Variants in ADAMTS18 observed in about 807,000 individuals in gnomAD.
The protein encoded by ADAMTS18 is A disintegrin and metalloproteinase with thrombospondin motifs 18.
Under a neutral mutation model 165.9 loss-of-function variants are expected in ADAMTS18, and 157 were observed. The observed-to-expected ratio is 0.95, with a 90% CI of 0.83 to 1.08. The LOEUF (loss-of-function observed/expected upper bound fraction) is 1.08. ADAMTS18 is among the 50% of genes least tolerant of loss of function. The pLI is 0.00. For missense variants in ADAMTS18, 2,040 were observed against 1,534.0 expected, an observed-to-expected ratio of 1.33 and a Z score of -5.51; for synonymous variants, 782 against 578.2, an observed-to-expected ratio of 1.35 and a Z score of -5.06.
chr16:77,292,624 G>C (rs981355887), intron 20 of ADAMTS18, among the ~76,000 whole-genome samples: 4 of 152,164 alleles, frequency 2.6e-5, no homozygotes, highest in Non-Finnish European at 5.9e-5. Flanking sequence ...CTTTCTCTGC[G>C]TGTGCTTTAT....
intron 11 of ADAMTS18, among the ~76,000 whole-genome samples, chr16:77,339,349 G>C (rs1215970719): frequency 6.6e-6 from 1 of 151,986 alleles, no homozygotes; most frequent in Non-Finnish European, 1.5e-5. Flanking sequence ...ACTATAGCCT[G>C]GTGTTTTAAA....
At chr16:77,394,732 C>T (rs936908829) in intron 3 of ADAMTS18, among the ~76,000 whole-genome samples, 2 of 152,140 alleles carry the variant, frequency 1.3e-5, no homozygotes, top group African/African-American at 4.8e-5. Flanking sequence ...GCAGGCAATT[C>T]TTATATTTTT....
At position 77,424,495 on chromosome 16, in the gene ADAMTS18, T is replaced by C. The variant is rs1487172286; in HGVS notation, c.495+6800A>G. Among the ~76,000 whole-genome samples, 5 of 148,354 alleles carry C rather than the reference T, an allele frequency of 3.4e-5. No individual in the cohort carries two copies. The South Asian group carries it at 1.1e-3, about 32-fold the overall frequency. ...AAAAAAAAAAAAAAAGCAAGCAACA[T>C]AGGCAGGAAGGACTGGCCTTTCAGC... On this transcript the variant is annotated intron_variant, in intron 3 of 22. Transcript: ENST00000282849.
At chr16:77,338,457 G>A (rs75811557) in intron 11 of ADAMTS18, among the ~76,000 whole-genome samples, 1,531 of 149,042 alleles carry the variant, frequency 0.01, 29 homozygotes, top group African/African-American at 0.036. Context: ...GTGTAGTCTC[G>A]AACTCCTGGC....
In ADAMTS18 at chr16:77,303,614, C is replaced by T. The variant is rs1186746542; in HGVS notation, c.2533-3210G>A. Among the ~76,000 whole-genome samples the T allele has an allele frequency of 4.5e-5, 6 of 132,442 alleles. No individual in the cohort carries two copies. In the South Asian group the frequency reaches 8.0e-4, roughly 18 times the overall value. 86.9% of individuals were successfully genotyped at this position (132,442 alleles called of 152,430 possible). A position where few individuals can be genotyped will look rare whatever the true frequency, so the allele number is the denominator to read the frequency against. Reference sequence around the variant, plus strand: ...TAAGCCACCATCATGTCTCTTGTGACCTCCACGGTCAAGACAATAAAAAAA... The same window carrying T: ...TAAGCCACCATCATGTCTCTTGTGATCTCCACGGTCAAGACAATAAAAAAA... On this transcript the variant is annotated intron_variant, in intron 16 of 22. Transcript: ENST00000282849.
intron 3 of ADAMTS18, among the ~76,000 whole-genome samples, chr16:77,370,570 T>C (rs2056861999): frequency 6.6e-6 from 1 of 152,002 alleles, no homozygotes; most frequent in Non-Finnish European, 1.5e-5. Flanking sequence ...GCCAACATGG[T>C]GAAACCATGT....
intron 3 of ADAMTS18, among the ~76,000 whole-genome samples, chr16:77,415,163 T>C (rs2057513850): frequency 6.6e-6 from 1 of 152,232 alleles, no homozygotes; most frequent in South Asian, 2.1e-4. Context: ...ATTCATGAAG[T>C]GTGTAGGCAA....
intron 21 of ADAMTS18, chr16:77,290,544 A>G (rs3743748): frequency 0.74 from 113,346 of 152,406 alleles, 42,489 homozygotes; most frequent in Non-Finnish European, 0.79. Context: ...AGATCCTCCC[A>G]GATAGATAAC....
intron 19 of ADAMTS18, 25 bp from the exon 20 acceptor site, chr16:77,293,283 T>G: frequency 6.2e-7 from 1 of 1,605,828 alleles, no homozygotes; most frequent in Non-Finnish European, 8.5e-7. Context: ...AAAGTTCTAT[T>G]TGCATTCCCA....
intron 8 of ADAMTS18, among the ~76,000 whole-genome samples, chr16:77,356,999 T>C (rs2056641503): frequency 6.6e-6 from 1 of 151,550 alleles, no homozygotes; most frequent in East Asian, 1.9e-4. Context: ...TTTTTTTTTT[T>C]TTTTTTTTTA....
chr16:77,349,440 G>T (rs962550987), intron 10 of ADAMTS18, among the ~76,000 whole-genome samples: 2 of 141,810 alleles, frequency 1.4e-5, no homozygotes, highest in Non-Finnish European at 3.0e-5. Flanking sequence ...TTGTTCCCCT[G>T]CCCCACTGTG....
At chr16:77,426,362 T>C (rs992396610) in intron 3 of ADAMTS18, among the ~76,000 whole-genome samples, 4 of 152,110 alleles carry the variant, frequency 2.6e-5, no homozygotes, top group African/African-American at 9.7e-5. Context: ...AAAAATTTCA[T>C]TGGCCAAAGA....
chr16:77,397,195 C>G (rs549223043), intron 3 of ADAMTS18, among the ~76,000 whole-genome samples: 24 of 152,144 alleles, frequency 1.6e-4, no homozygotes, highest in Middle Eastern at 3.4e-3. Flanking sequence ...GCTTTAGAAT[C>G]TAAGTTAGAC....
chr16:77,406,084 C>T (rs1196941334), intron 3 of ADAMTS18, among the ~76,000 whole-genome samples: 1 of 152,064 alleles, frequency 6.6e-6, no homozygotes, highest in Non-Finnish European at 1.5e-5. Context: ...AAATTACAGA[C>T]CAAATTTTCT....
chr16:77,369,862 A>G (rs75476758), intron 3 of ADAMTS18, among the ~76,000 whole-genome samples: 5,910 of 152,292 alleles, frequency 0.039, 344 homozygotes, highest in African/African-American at 0.13. Context: ...AACCAAATTC[A>G]ACAGCACATT....
At chr16:77,336,709 T>G (rs1036090299) in intron 11 of ADAMTS18, among the ~76,000 whole-genome samples, 3 of 152,228 alleles carry the variant, frequency 2.0e-5, no homozygotes, top group Non-Finnish European at 4.4e-5. Flanking sequence ...TTGTAACAAA[T>G]TCCTGGCTTT....
At chr16:77,420,826 C>T (rs1473623905) in intron 3 of ADAMTS18, among the ~76,000 whole-genome samples, 1 of 151,972 alleles carries the variant, frequency 6.6e-6, no homozygotes, top group African/African-American at 2.4e-5. Flanking sequence ...CAGTATTTAC[C>T]CACAGAAAAT....
intron 16 of ADAMTS18, among the ~76,000 whole-genome samples, chr16:77,313,927 G>C (rs555771777): frequency 1.3e-5 from 2 of 152,290 alleles, no homozygotes; most frequent in African/African-American, 2.4e-5. Flanking sequence ...TCTTTAATAA[G>C]AGAGTTCAAT....
Position 77,367,430 on chromosome 16 carries a change from T to A in ADAMTS18, c.778+11A>T. 6.2e-7 allele frequency: 1 copy of A among 1,614,104 alleles called. No homozygotes were observed. Among genetic ancestry groups the A allele is most frequent in the Non-Finnish European group, 8.5e-7 (1 of 1,180,030 alleles). On this transcript the variant is annotated intron_variant, in intron 4 of 22. Coordinates refer to ENST00000282849, the MANE Select transcript of ADAMTS18 (RefSeq NM_199355.4). ...CATAAGAACAGAAAAAGAAAAAGTT[T>A]CCTTACATACATTTCTTGCGTCGTC...
Sources: allele counts gnomAD v4.1 joint callset (sites outside exome capture counted in the v4.1 genomes callset), GRCh38; gene constraint gnomAD v4.1.1; transcripts MANE v1.5; gene names NCBI Gene and HGNC (gene_info 2026-07-23, HGNC 2026-07-21).